ENPP1: variants seen among roughly 807,000 people sequenced by gnomAD.
ENPP1 encodes ectonucleotide pyrophosphatase/phosphodiesterase 1, also known as ectonucleotide pyrophosphatase/phosphodiesterase family member 1.
Under a neutral mutation model 122.8 loss-of-function variants are expected in ENPP1, and 73 were observed. The observed-to-expected ratio is 0.59, with a 90% CI of 0.49 to 0.72. The LOEUF is 0.72. Ranked by LOEUF, ENPP1 falls within the 30% of genes least tolerant of loss-of-function variation. ENPP1 has a pLI of 0.00. For missense variants in ENPP1, 978 were observed against 1,128.1 expected (o/e 0.87, Z 1.91); for synonymous variants, 367 against 391.6 (o/e 0.94, Z 0.74).
chr6:131,813,120 C>T (rs890251488), intron 1 of ENPP1, among the ~76,000 whole-genome samples: 24 of 152,062 alleles, frequency 1.6e-4, no homozygotes, highest in Admixed American at 1.3e-4. Context: ...TGATTATAGG[C>T]GTGAGCCACT....
intron 11 of ENPP1, among the ~76,000 whole-genome samples, chr6:131,865,437 T>C (rs146040836): frequency 6.6e-6 from 1 of 152,276 alleles, no homozygotes; most frequent in Non-Finnish European, 1.5e-5. Context: ...CGTGATTTTG[T>C]TGAATATTTC....
At chr6:131,817,751 C>T (rs1013574661) in intron 1 of ENPP1, among the ~76,000 whole-genome samples, 5 of 54,004 alleles carry the variant, frequency 9.3e-5, no homozygotes, top group African/African-American at 4.0e-4. Flanking sequence ...TTCTCTCTCT[C>T]CATACACACA....
At position 131,892,279 on chromosome 6, in the gene ENPP1, T is replaced by G. The variant is rs1006818830; in HGVS notation, c.*1768T>G. On this transcript the variant is annotated 3_prime_UTR_variant, in exon 25 of 25. Transcript: ENST00000647893. ...ATTTAAACCTTCTGCTTTAGCCAACTTTCTCAGATACCACCACAGCAGGGG... is the reference window on the plus strand; with the variant it reads ...ATTTAAACCTTCTGCTTTAGCCAACGTTCTCAGATACCACCACAGCAGGGG... The G allele has an allele frequency of 2.0e-5, 3 of 152,230 alleles. No homozygotes were observed. The highest frequency in any genetic ancestry group is 7.2e-5 in the African/African-American group (3 of 41,464). The allele number at this position is 152,230 out of a possible 1,614,324, so 9.4% of individuals were successfully genotyped here.
rs1032224789 is a variant in ENPP1, at chr6:131,855,013, T to A, written c.705T>A (p.Ile235=). The stretch of plus-strand genomic sequence containing the variant: ...CTTGGGGTGGACTTCTTCCTGTTAT[T>A]AGCAAACTAAGTGAGTAACTTCAGA... ...LHTWGGLLPV[I]SKLKKCGTYT... The change falls in exon 6 of 25, where the codon ATT becomes ATA. Residue 235 remains isoleucine, a synonymous_variant. Transcript: ENST00000647893. The A allele has an allele frequency of 6.9e-6, 11 of 1,603,274 alleles. No individual in the cohort carries two copies. In the African/African-American group the frequency reaches 1.3e-4, roughly 20 times the overall value.
chr6:131,836,951 C>T (rs887654179), intron 1 of ENPP1, among the ~76,000 whole-genome samples: 4 of 152,122 alleles, frequency 2.6e-5, no homozygotes, highest in African/African-American at 7.2e-5. Context: ...AGGTCCTAGA[C>T]GTGCTTTAGC....
intron 13 of ENPP1, 31 bp downstream of exon 13, chr6:131,869,520 T>C (rs772519246): frequency 6.2e-7 from 1 of 1,607,636 alleles, no homozygotes; most frequent in South Asian, 1.1e-5. Context: ...ACTTTGAATA[T>C]GGTCATATTA....
At chr6:131,864,826 G>A (rs774119472) in intron 10 of ENPP1, 40 bp from the exon 11 acceptor site, 2 of 1,289,132 alleles carry the variant, frequency 1.6e-6, no homozygotes, top group South Asian at 1.2e-5. Context: ...GTTTTTCAAT[G>A]TGTTCGTAAA....
chr6:131,875,160 CTG>C (rs1365902161), intron 16 of ENPP1, among the ~76,000 whole-genome samples: 2 of 152,168 alleles, frequency 1.3e-5, no homozygotes, highest in Admixed American at 6.5e-5. Context: ...GACTTCACCA[CTG>C]TGCAATATAT....
At chr6:131,879,722 A>G (rs188752959) in intron 19 of ENPP1, among the ~76,000 whole-genome samples, 158 bp from the exon 20 acceptor site, 10 of 152,300 alleles carry the variant, frequency 6.6e-5, no homozygotes, top group African/African-American at 1.7e-4. Context: ...TTGTCTTCTT[A>G]ATTGTTTATG....
chr6:131,853,631 A>G (rs914679269), intron 5 of ENPP1, among the ~76,000 whole-genome samples: 2 of 152,192 alleles, frequency 1.3e-5, no homozygotes, highest in Admixed American at 1.3e-4. Flanking sequence ...TGAAAATTGT[A>G]TAAAAATGTT....
intron 1 of ENPP1, chr6:131,826,990 G>A (rs1781554086): frequency 2.2e-6 from 1 of 464,504 alleles, no homozygotes; most frequent in Non-Finnish European, 4.0e-6. Flanking sequence ...AGTGCAGGAT[G>A]GTCTACTACC....
At position 131,886,587 on chromosome 6, in the gene ENPP1, G is replaced by C; in HGVS notation, c.2470G>C (p.Glu824Gln). 6.2e-7 allele frequency: 1 copy of C among 1,613,732 alleles called. No individual in the cohort carries two copies. Among genetic ancestry groups the C allele is most frequent in the Non-Finnish European group, 8.5e-7 (1 of 1,179,668 alleles). The change falls in exon 24 of 25, where the codon GAA becomes CAA. Residue 824 changes from glutamate (E) to glutamine (Q), a missense_variant. This residue lies in a region of ENPP1 where 644 missense variants were observed against 781.5 expected (regional missense o/e 0.82). Coordinates refer to ENST00000647893, the MANE Select transcript of ENPP1 (RefSeq NM_006208.3). The part of the protein sequence containing the change: ...RQKRRVIRNQ[E>Q]ILIPTHFFIV... ...AAAAAGAAGAGTCATCCGTAACCAA[G>C]AAATTTTGATTCCAACTCACTTCTT...
In ENPP1 at chr6:131,850,122, GA is replaced by G; in HGVS notation, c.430+22del. On this transcript the variant is annotated intron_variant, in intron 3 of 24. Coordinates refer to ENST00000647893, the MANE Select transcript of ENPP1 (RefSeq NM_006208.3). ...ATAGAACCAGGTAAGGATGAGCAGG[GA>G]AAAAAGTGGAGTTATGGTCATTAGG... 2.0e-6 allele frequency: 3 copies of G among 1,488,136 alleles called. No homozygotes were observed. The highest frequency in any genetic ancestry group is 2.8e-6 in the Non-Finnish European group (3 of 1,064,968). The allele number at this position is 1,488,136 out of a possible 1,614,324, so 92.2% of individuals were successfully genotyped here.
At position 131,886,640 on chromosome 6, in the gene ENPP1, A is replaced by G; in HGVS notation, c.2523A>G (p.Thr841=). The G allele has an allele frequency of 6.2e-7, 1 of 1,613,982 alleles. No individual in the cohort carries two copies. The highest frequency in any genetic ancestry group is 1.1e-5 in the South Asian group (1 of 91,072). The change falls in exon 24 of 25, where the codon ACA becomes ACG. Residue 841 remains threonine, a synonymous_variant. Coordinates refer to ENST00000647893, the MANE Select transcript of ENPP1 (RefSeq NM_006208.3). ...FFIVLTSCKD[T]SQTPLHCENL... ...TTGTGCTAACAAGCTGTAAAGATAC[A>G]TCTCAGACGCCTTTGCACTGTGAAA...
chr6:131,809,907 G>C (rs1340005027), intron 1 of ENPP1, among the ~76,000 whole-genome samples: 1 of 152,174 alleles, frequency 6.6e-6, no homozygotes, highest in Non-Finnish European at 1.5e-5. Context: ...ATGCTACTCT[G>C]GGCATTTGAC....
intron 9 of ENPP1, among the ~76,000 whole-genome samples, chr6:131,863,853 T>C (rs190045739): frequency 1.1e-3 from 161 of 151,872 alleles, no homozygotes; most frequent in Admixed American, 3.6e-3. Context: ...GAGGTGGAGA[T>C]TGCAGTGAAC....
chr6:131,852,138 T>A, intron 4 of ENPP1, 37 bp from the exon 5 acceptor site: 1 of 1,305,208 alleles, frequency 7.7e-7, no homozygotes, highest in Non-Finnish European at 1.1e-6. Flanking sequence ...TTATTACTGT[T>A]AAGTGTGTTC....
intron 1 of ENPP1, among the ~76,000 whole-genome samples, chr6:131,843,657 G>A (rs925521556): frequency 2.8e-4 from 37 of 132,620 alleles, no homozygotes; most frequent in African/African-American, 7.8e-4. Flanking sequence ...AGGGCATGTC[G>A]TCTTTTTTTT....
chr6:131,876,942 T>A (rs1202348106), intron 17 of ENPP1, 50 bp from the exon 18 acceptor site: 1 of 1,554,306 alleles, frequency 6.4e-7, no homozygotes, highest in South Asian at 1.1e-5. Flanking sequence ...AGTCTACTAT[T>A]TGTTTGATTT....
Sources: gnomAD v4.1 joint callset for allele counts (sites outside exome capture counted in the v4.1 genomes callset) on GRCh38, gnomAD v4.1.1 for gene constraint, gnomAD v4.1.1 regional missense constraint, MANE v1.5 for transcripts, NCBI Gene and HGNC (gene_info 2026-07-23, HGNC 2026-07-21) for gene names.